The following LY86 variants were observed in gnomAD, a reference collection of about 807,000 sequenced individuals.
LY86 encodes the protein lymphocyte antigen 86, also known as MD-1, RP105-associated.
Under a neutral mutation model 17.3 loss-of-function variants are expected in LY86, and 20 were observed. The ratio of observed to expected loss-of-function variants is 1.15; its 90% CI spans 0.81 to 1.68. The LOEUF (loss-of-function observed/expected upper bound fraction) is 1.68, where lower values mean the gene tolerates loss of function less well. LY86 is among the 40% of genes most tolerant of loss of function. LY86 has a pLI of 0.00. For missense variants in LY86, 200 were observed against 191.9 expected, an observed-to-expected ratio of 1.04 and a Z score of -0.25; for synonymous variants, 74 against 70.6, an observed-to-expected ratio of 1.05 and a Z score of -0.24.
At chr6:6,606,366 G>A (rs144781227) in intron 1 of LY86, among the ~76,000 whole-genome samples, 1 of 152,116 alleles carries the variant, frequency 6.6e-6, no homozygotes, top group African/African-American at 2.4e-5. Context: ...AGACATAAAG[G>A]TTCTCCAAGT....
At chr6:6,605,315 T>C (rs1411925357) in intron 1 of LY86, among the ~76,000 whole-genome samples, 2 of 152,116 alleles carry the variant, frequency 1.3e-5, no homozygotes, top group Non-Finnish European at 2.9e-5. Flanking sequence ...TTGGGTGTGG[T>C]TTAGTTGGGG....
intron 1 of LY86, among the ~76,000 whole-genome samples, chr6:6,622,089 C>T (rs3804475): frequency 0.089 from 13,587 of 152,188 alleles, 909 homozygotes; most frequent in African/African-American, 0.19. Context: ...AACCCTTAAG[C>T]GCTTTTTAAG....
intron 1 of LY86, among the ~76,000 whole-genome samples, chr6:6,589,152 A>G (rs1198967310): frequency 1.3e-5 from 2 of 152,214 alleles, no homozygotes; most frequent in Non-Finnish European, 2.9e-5. Context: ...GAACCCAAAA[A>G]AGAACAAAAT....
chr6:6,597,223 G>A (rs1033091099), intron 1 of LY86, among the ~76,000 whole-genome samples: 1 of 152,196 alleles, frequency 6.6e-6, no homozygotes, highest in African/African-American at 2.4e-5. Flanking sequence ...CAGAGCCCAA[G>A]GAAAGCGAAG....
chr6:6,589,616 A>G (rs1760463328), intron 1 of LY86, among the ~76,000 whole-genome samples: 1 of 152,056 alleles, frequency 6.6e-6, no homozygotes. Context: ...GGACTTAAAT[A>G]ACAGATTTAT....
intron 4 of LY86, among the ~76,000 whole-genome samples, chr6:6,653,488 G>A (rs1005628244): frequency 6.6e-5 from 10 of 152,150 alleles, no homozygotes; most frequent in African/African-American, 2.2e-4. Context: ...GGCTGCTGGG[G>A]TGCAGGACTG....
chr6:6,626,035 G>A (rs1196471876), intron 2 of LY86, among the ~76,000 whole-genome samples: 3 of 152,178 alleles, frequency 2.0e-5, no homozygotes, highest in African/African-American at 7.2e-5. Context: ...ATCAGGGTGG[G>A]GAGCTCAGCT....
At chr6:6,645,662 A>C (rs1172241463) in intron 3 of LY86, among the ~76,000 whole-genome samples, 1 of 151,948 alleles carries the variant, frequency 6.6e-6, no homozygotes, top group Non-Finnish European at 1.5e-5. Context: ...ACCCAGCCAG[A>C]TCAGACAGGG....
At chr6:6,614,894 A>G (rs1267798811) in intron 1 of LY86, among the ~76,000 whole-genome samples, 1 of 152,148 alleles carries the variant, frequency 6.6e-6, no homozygotes, top group Non-Finnish European at 1.5e-5. Flanking sequence ...TCCTGTAGAG[A>G]CAGGAGCCAG....
intron 1 of LY86, among the ~76,000 whole-genome samples, chr6:6,600,695 T>A (rs1405977606): frequency 1.3e-5 from 2 of 151,228 alleles, no homozygotes; most frequent in Non-Finnish European, 2.9e-5. Context: ...GCTTCTGGTC[T>A]TTTCTCCAAA....
intron 3 of LY86, among the ~76,000 whole-genome samples, chr6:6,640,638 A>G (rs754037716): frequency 2.6e-5 from 4 of 151,990 alleles, no homozygotes; most frequent in Non-Finnish European, 5.9e-5. Flanking sequence ...ACTTGAGCCC[A>G]GGAATTTAAG....
At chr6:6,613,251 C>T (rs1452561968) in intron 1 of LY86, among the ~76,000 whole-genome samples, 1 of 152,270 alleles carries the variant, frequency 6.6e-6, no homozygotes, top group Non-Finnish European at 1.5e-5. Context: ...GGTGGAGCTG[C>T]CTGCCAATCC....
At chr6:6,608,879 C>T (rs903940166) in intron 1 of LY86, among the ~76,000 whole-genome samples, 6 of 152,186 alleles carry the variant, frequency 3.9e-5, no homozygotes, top group Middle Eastern at 3.2e-3. Context: ...TTTATTCATC[C>T]GAAATCCAAT....
intron 1 of LY86, among the ~76,000 whole-genome samples, chr6:6,601,400 G>A (rs919375372): frequency 3.9e-5 from 6 of 152,214 alleles, no homozygotes; most frequent in Non-Finnish European, 4.4e-5. Context: ...AAGAGGGTAA[G>A]CTGCAATATA....
At chr6:6,603,040 T>C (rs1309200328) in intron 1 of LY86, among the ~76,000 whole-genome samples, 1 of 152,084 alleles carries the variant, frequency 6.6e-6, no homozygotes, top group African/African-American at 2.4e-5. Flanking sequence ...AGAGGTTCAG[T>C]GTCTAGGGAG....
intron 1 of LY86, among the ~76,000 whole-genome samples, chr6:6,602,825 G>A (rs1351555701): frequency 1.3e-5 from 2 of 152,150 alleles, no homozygotes; most frequent in Non-Finnish European, 2.9e-5. Flanking sequence ...CTGTGTATTG[G>A]ACAAGCTTAC....
At chr6:6,606,925 G>A (rs1007463869) in intron 1 of LY86, among the ~76,000 whole-genome samples, 3 of 152,248 alleles carry the variant, frequency 2.0e-5, no homozygotes, top group Non-Finnish European at 4.4e-5. Context: ...AGTGGGCACC[G>A]AGGCCGAGGA....
intron 3 of LY86, among the ~76,000 whole-genome samples, chr6:6,636,536 C>A (rs1455852454): frequency 1.3e-5 from 2 of 152,188 alleles, no homozygotes; most frequent in Non-Finnish European, 1.5e-5. Context: ...CATGAAGAGG[C>A]AGTGGAGTCA....
At chr6:6,623,544 G>C (rs941332219) in intron 1 of LY86, among the ~76,000 whole-genome samples, 3 of 152,108 alleles carry the variant, frequency 2.0e-5, no homozygotes, top group Admixed American at 6.5e-5. Context: ...CATGATTACC[G>C]AGAGCCCAGT....
Sources: gnomAD v4.1 joint callset for allele counts (sites outside exome capture counted in the v4.1 genomes callset) on GRCh38, gnomAD v4.1.1 for gene constraint, MANE v1.5 for transcripts, NCBI Gene and HGNC (gene_info 2026-07-23, HGNC 2026-07-21) for gene names.